The following ESRRB variants were observed in gnomAD, a reference collection of about 807,000 sequenced individuals.
ESRRB encodes the protein steroid hormone receptor ERR2.
Under a neutral mutation model 46.0 loss-of-function variants are expected in ESRRB, and 16 were observed. That is an observed-to-expected ratio of 0.35 (90% confidence interval 0.24 to 0.53). The LOEUF (loss-of-function observed/expected upper bound fraction) is 0.53. Among genes scored for constraint, ESRRB ranks in the 20% least tolerant of loss-of-function variants. ESRRB has a pLI of 0.93. For synonymous variants in ESRRB, 246 were observed against 259.6 expected, an observed-to-expected ratio of 0.95 and a Z score of 0.50; for missense variants, 488 against 607.4, an observed-to-expected ratio of 0.80 and a Z score of 2.07.
At chr14:76,364,333 G>A (rs556427922) in intron 1 of ESRRB, among the ~76,000 whole-genome samples, 5 of 152,248 alleles carry the variant, frequency 3.3e-5, no homozygotes, top group South Asian at 2.1e-4. Flanking sequence ...GGGGGCTTCT[G>A]GACACTTTCA....
At chr14:76,401,711 C>G (rs541459065) in intron 1 of ESRRB, among the ~76,000 whole-genome samples, 1 of 152,206 alleles carries the variant, frequency 6.6e-6, no homozygotes, top group African/African-American at 2.4e-5. Context: ...ACCATACAGC[C>G]TAGGGGTGTA....
At chr14:76,390,181 T>C (rs377104842) in intron 1 of ESRRB, among the ~76,000 whole-genome samples, 4 of 152,234 alleles carry the variant, frequency 2.6e-5, no homozygotes, top group African/African-American at 9.6e-5. Flanking sequence ...GTTAGATTGC[T>C]GTAAAGATTA....
intron 1 of ESRRB, among the ~76,000 whole-genome samples, chr14:76,319,385 T>C (rs1448010479): frequency 6.6e-6 from 1 of 152,190 alleles, no homozygotes; most frequent in East Asian, 1.9e-4. Context: ...AGAACTAACA[T>C]CAGGTTCTTG....
Position 76,376,570 on chromosome 14 carries a change from C to A in ESRRB, c.50+119C>A. 2 of 652,000 alleles carry A rather than the reference C, an allele frequency of 3.1e-6. No homozygotes were observed. The highest frequency in any genetic ancestry group is 4.4e-6 in the Non-Finnish European group (2 of 458,040). The allele number at this position is 652,000 out of a possible 1,614,324, so 40.4% of individuals were successfully genotyped here. A position where few individuals can be genotyped will look rare whatever the true frequency, so the allele number is the denominator to read the frequency against. On this transcript the variant is annotated intron_variant, in intron 1 of 6. Coordinates refer to ENST00000644823, the MANE Select transcript of ESRRB (RefSeq NM_001379180.1). This position sits in a 1 kb window ranked among gnomAD's most constrained non-coding sequence, Gnocchi z 4.1. ...AAAAGTGGAAGGGACTTCGGGGGGGCACTTGGGGGACGAAGGAGGGGAAAA... is the reference window on the plus strand; with the variant it reads ...AAAAGTGGAAGGGACTTCGGGGGGGAACTTGGGGGACGAAGGAGGGGAAAA...
At chr14:76,445,466 CAAA>C (rs747627410) in intron 2 of ESRRB, among the ~76,000 whole-genome samples, 5 of 79,810 alleles carry the variant, frequency 6.3e-5, no homozygotes, top group East Asian at 7.0e-4. Context: ...AACTCCGTCT[CAAA>C]AAAAAAAAAA....
chr14:76,482,714 G>A lies in ESRRB; in HGVS notation c.805G>A (p.Asp269Asn). The A allele has an allele frequency of 6.2e-7, 1 of 1,614,216 alleles. No homozygotes were observed. Among genetic ancestry groups the A allele is most frequent in the Non-Finnish European group, 8.5e-7 (1 of 1,180,034 alleles). ...KALTTLCDLA[D>N]RELVVIIGWA... is the part of the protein sequence containing the mutation. ...CCTGACCACTCTCTGTGACCTGGCA[G>A]ACCGAGAGCTTGTGGTCATCATTGG... The change falls in exon 5 of 7, where the codon GAC becomes AAC. Residue 269 changes from aspartate to asparagine, a missense_variant. Coordinates refer to ENST00000644823, the MANE Select transcript of ESRRB (RefSeq NM_001379180.1). The surrounding 1 kb of genome is among the most constrained non-coding windows in gnomAD (Gnocchi z 4.3).
At chr14:76,315,214 T>G (rs1417541652) in intron 1 of ESRRB, among the ~76,000 whole-genome samples, 1 of 152,076 alleles carries the variant, frequency 6.6e-6, no homozygotes, top group African/African-American at 2.4e-5. Context: ...CTTCTCCCTT[T>G]TCCTGGGGCT....
At chr14:76,428,484 T>C (rs74567706) in intron 1 of ESRRB, among the ~76,000 whole-genome samples, 2,241 of 152,204 alleles carry the variant, frequency 0.015, 58 homozygotes, top group African/African-American at 0.051. Context: ...CACCCCTTTG[T>C]GGTGGTCAGA....
intron 1 of ESRRB, among the ~76,000 whole-genome samples, chr14:76,319,588 T>G (rs1883844019): frequency 6.6e-6 from 1 of 152,216 alleles, no homozygotes; most frequent in Non-Finnish European, 1.5e-5. Context: ...GTAATGACTC[T>G]TGAGTTTTTC....
At chr14:76,319,148 A>G (rs1883838007) in intron 1 of ESRRB, among the ~76,000 whole-genome samples, 1 of 152,202 alleles carries the variant, frequency 6.6e-6, no homozygotes, top group Admixed American at 6.5e-5. Context: ...GCCATTTAAC[A>G]TGGCTTGTCT....
chr14:76,476,816 A>T (rs1322182721), intron 3 of ESRRB, among the ~76,000 whole-genome samples: 3 of 152,212 alleles, frequency 2.0e-5, no homozygotes, highest in Non-Finnish European at 4.4e-5. Flanking sequence ...GGTCGTTGCC[A>T]CACCTGTAGG....
intron 1 of ESRRB, among the ~76,000 whole-genome samples, chr14:76,324,487 A>C (rs1183116512): frequency 6.6e-6 from 1 of 152,064 alleles, no homozygotes; most frequent in Non-Finnish European, 1.5e-5. Flanking sequence ...CTGGTGCCCT[A>C]GTGTTGTCCT....
chr14:76,385,549 C>T (rs899073512), intron 1 of ESRRB, among the ~76,000 whole-genome samples: 2 of 152,290 alleles, frequency 1.3e-5, no homozygotes, highest in African/African-American at 4.8e-5. Flanking sequence ...TTGAGCGATG[C>T]CTTTATTCAT....
chr14:76,311,266 T>A (rs1171310308), intron 1 of ESRRB, among the ~76,000 whole-genome samples: 1 of 152,186 alleles, frequency 6.6e-6, no homozygotes, highest in East Asian at 1.9e-4. Flanking sequence ...AAAGTTTACA[T>A]GCAGCTCAGC....
chr14:76,341,054 G>A (rs1884185952), intron 1 of ESRRB, among the ~76,000 whole-genome samples: 1 of 152,188 alleles, frequency 6.6e-6, no homozygotes, highest in African/African-American at 2.4e-5. Context: ...CCCAGAAGGT[G>A]GGTCGAGACA....
chr14:76,458,678 G>A (rs1265722357), intron 2 of ESRRB, among the ~76,000 whole-genome samples: 1 of 152,104 alleles, frequency 6.6e-6, no homozygotes, highest in African/African-American at 2.4e-5. Flanking sequence ...AGCAAAGCAT[G>A]GGAAAAGTGA....
intron 1 of ESRRB, among the ~76,000 whole-genome samples, chr14:76,355,060 G>A (rs2885131): frequency 0.2 from 29,805 of 152,078 alleles, 3,647 homozygotes; most frequent in Non-Finnish European, 0.28. Flanking sequence ...TTTGAAATCC[G>A]TGTTTGTTTT....
intron 1 of ESRRB, among the ~76,000 whole-genome samples, chr14:76,410,531 C>A (rs553583549): frequency 6.6e-6 from 1 of 152,128 alleles, no homozygotes; most frequent in Non-Finnish European, 1.5e-5. Context: ...CTCCAAGAAA[C>A]CTGCAGAGGA....
chr14:76,384,270 G>A (rs1214379826), intron 1 of ESRRB, among the ~76,000 whole-genome samples: 5 of 152,138 alleles, frequency 3.3e-5, no homozygotes, highest in Non-Finnish European at 7.4e-5. Flanking sequence ...TACAGAAATA[G>A]TAGCAATTTT....
Sources: gnomAD v4.1 joint callset for allele counts (sites outside exome capture counted in the v4.1 genomes callset) on GRCh38, gnomAD v4.1.1 for gene constraint, Gnocchi (gnomAD v3.1) non-coding constraint, MANE v1.5 for transcripts, NCBI Gene and HGNC (gene_info 2026-07-23, HGNC 2026-07-21) for gene names.